The following ASAP3 variants were observed in gnomAD, a reference collection of about 807,000 sequenced individuals.
ASAP3 encodes ArfGAP with SH3 domain, ankyrin repeat and PH domain 3.
ASAP3 carries 85 observed loss-of-function variants against 118.2 expected under a neutral mutation model. That is an observed-to-expected ratio of 0.72 (90% CI 0.60 to 0.86). The LOEUF (loss-of-function observed/expected upper bound fraction) is 0.86. ASAP3 is among the 40% of genes least tolerant of loss of function. ASAP3 has a pLI of 0.00. For missense variants in ASAP3, 1,026 were observed against 1,175.0 expected (o/e 0.87, Z 1.85); for synonymous variants, 432 against 477.4 (o/e 0.90, Z 1.24).
Position 23,438,982 on chromosome 1 carries a change from T to C in ASAP3, c.1015-148A>G, listed in dbSNP as rs538360423. 1.7e-4 allele frequency: 186 copies of C among 1,064,922 alleles called. No individual in the cohort carries two copies. Among genetic ancestry groups the C allele is most frequent in the South Asian group, 6.7e-4 (46 of 68,522 alleles). The allele number at this position is 1,064,922 out of a possible 1,614,324, so 66.0% of individuals were successfully genotyped here. ...CCAGCAGCACCTCAAGGATGTGAAG[T>C]GTAGACTAAGACTAGATTGGGGCCT... On this transcript the variant is annotated intron_variant, in intron 11 of 24. Coordinates refer to ENST00000336689, the MANE Select transcript of ASAP3 (RefSeq NM_017707.4). This position sits in a 1 kb window ranked among gnomAD's most constrained non-coding sequence, Gnocchi z 4.9.
chr1:23,454,046 G>A (rs652715), intron 3 of ASAP3, among the ~76,000 whole-genome samples: 8,305 of 152,018 alleles, frequency 0.055, 721 homozygotes, highest in African/African-American at 0.18. Context: ...TTGAGACAGG[G>A]TCTTGCTTTG....
chr1:23,458,883 A>G (rs1392660352), intron 1 of ASAP3, among the ~76,000 whole-genome samples: 2 of 152,076 alleles, frequency 1.3e-5, no homozygotes, highest in Non-Finnish European at 2.9e-5. Flanking sequence ...AAAGATATGA[A>G]CAACTGGGCC....
chr1:23,435,986 A>G lies in ASAP3; in HGVS notation c.1614T>C (p.His538=). 6.2e-7 allele frequency: 1 copy of G among 1,614,202 alleles called. No homozygotes were observed. Among genetic ancestry groups the G allele is most frequent in the Non-Finnish European group, 8.5e-7 (1 of 1,180,042 alleles). The part of the protein sequence containing the change: ...RDYIMAKYVE[H]RFARRCTPEP... ...CAGGTGTGCACCGGCGTGCAAACCT[A>G]TGCTCCACATACTTGGCCATAATGT... The change falls in exon 17 of 25, where the codon CAT becomes CAC. Residue 538 remains histidine (H), a synonymous_variant. Transcript: ENST00000336689.
At chr1:23,440,461 A>G (rs1450846895) in intron 10 of ASAP3, among the ~76,000 whole-genome samples, 3 of 122,890 alleles carry the variant, frequency 2.4e-5, no homozygotes, top group African/African-American at 9.6e-5. Flanking sequence ...AGATCACGTC[A>G]CTGCACTCCA....
At chr1:23,448,885 C>G (rs920206140) in intron 5 of ASAP3, among the ~76,000 whole-genome samples, 1 of 152,176 alleles carries the variant, frequency 6.6e-6, no homozygotes, top group East Asian at 1.9e-4. Context: ...CCAAGTCACA[C>G]AGCTGTTAAG....
At chr1:23,477,641 G>T (rs1642175247) in intron 1 of ASAP3, among the ~76,000 whole-genome samples, 2 of 152,152 alleles carry the variant, frequency 1.3e-5, no homozygotes, top group African/African-American at 4.8e-5. Flanking sequence ...CTCAAAGAAG[G>T]CCTTGACGAG....
intron 24 of ASAP3, among the ~76,000 whole-genome samples, chr1:23,430,802 G>A (rs1186847897): frequency 6.6e-6 from 1 of 152,140 alleles, no homozygotes; most frequent in Non-Finnish European, 1.5e-5. Flanking sequence ...GCAGCCACCT[G>A]GGCACCAGGA....
At chr1:23,472,069 G>A (rs571064112) in intron 1 of ASAP3, among the ~76,000 whole-genome samples, 5 of 152,246 alleles carry the variant, frequency 3.3e-5, no homozygotes, top group South Asian at 2.1e-4. Flanking sequence ...GAAAGTTGTC[G>A]GGGGCCGGGG....
chr1:23,441,758 G>T, intron 7 of ASAP3, 28 bp from the exon 8 acceptor site: 1 of 1,612,560 alleles, frequency 6.2e-7, no homozygotes. Flanking sequence ...CCAAACAAGG[G>T]TCCAGATAAA....
Position 23,477,034 on chromosome 1 carries a change from G to A in ASAP3, c.129+6971C>T, listed in dbSNP as rs114111445. ...ATCTTAATAAAATAATATTTTGTCG[G>A]GGGACAGAGTCTTGCTCTGTCGCCC... On this transcript the variant is annotated intron_variant, in intron 1 of 24. Coordinates refer to ENST00000336689, the MANE Select transcript of ASAP3 (RefSeq NM_017707.4). Among the ~76,000 whole-genome samples, 1,177 of 151,388 alleles carry A rather than the reference G, an allele frequency of 7.8e-3. 15 individuals are homozygous for A. Among genetic ancestry groups the A allele is most frequent in the African/African-American group, 0.027 (1,115 of 41,318 alleles).
chr1:23,433,366 C>A (rs1640515935), intron 21 of ASAP3, 59 bp downstream of exon 21: 1 of 1,613,396 alleles, frequency 6.2e-7, no homozygotes, highest in Non-Finnish European at 8.5e-7. Flanking sequence ...ACACACCAGG[C>A]CCAATCTGGC....
intron 3 of ASAP3, among the ~76,000 whole-genome samples, chr1:23,453,815 G>A (rs1268396785): frequency 6.6e-6 from 1 of 152,104 alleles, no homozygotes; most frequent in Non-Finnish European, 1.5e-5. Flanking sequence ...GTGCCATGCT[G>A]CTGGTATTTC....
At chr1:23,448,537 C>T (rs1450878446) in intron 5 of ASAP3, among the ~76,000 whole-genome samples, 2 of 152,000 alleles carry the variant, frequency 1.3e-5, no homozygotes, top group Non-Finnish European at 2.9e-5. Context: ...AAGCAATCCT[C>T]CTGCCTCAGC....
chr1:23,449,569 C>T (rs1408980755), intron 5 of ASAP3, among the ~76,000 whole-genome samples: 5 of 152,110 alleles, frequency 3.3e-5, no homozygotes, highest in African/African-American at 1.2e-4. Context: ...TTACGGCTCA[C>T]GCATATCTGG....
intron 1 of ASAP3, among the ~76,000 whole-genome samples, chr1:23,468,583 C>G (rs555216506): frequency 6.6e-6 from 1 of 152,082 alleles, no homozygotes; most frequent in Non-Finnish European, 1.5e-5. Flanking sequence ...GCTAAAAATA[C>G]AACGTTTGGC....
chr1:23,430,665 T>C (rs1303504046), intron 24 of ASAP3, among the ~76,000 whole-genome samples: 4 of 152,320 alleles, frequency 2.6e-5, no homozygotes, highest in Middle Eastern at 6.8e-3. Context: ...CATCCTCCCC[T>C]GGGGAGAAGC....
intron 1 of ASAP3, among the ~76,000 whole-genome samples, chr1:23,463,903 C>T (rs561948748): frequency 6.6e-6 from 1 of 151,840 alleles, no homozygotes; most frequent in Non-Finnish European, 1.5e-5. Context: ...CTGCTTAACT[C>T]ACAGAATTAC....
intron 1 of ASAP3, among the ~76,000 whole-genome samples, chr1:23,479,474 C>T (rs1392072781): frequency 6.6e-6 from 1 of 152,140 alleles, no homozygotes; most frequent in Non-Finnish European, 1.5e-5. Flanking sequence ...AACAAATTTC[C>T]CTCCAACAGA....
Position 23,452,786 on chromosome 1 carries a change from G to A in ASAP3, c.349-15C>T. On this transcript the variant is annotated splice_polypyrimidine_tract_variant and intron_variant, in intron 3 of 24. Coordinates refer to ENST00000336689, the MANE Select transcript of ASAP3 (RefSeq NM_017707.4). ...AAGTTCTGAATCTGGAAAAAACAGA[G>A]ACGCTCATTCCCGCCTCAGGTGACC... 1 of 1,613,706 alleles carries A rather than the reference G, an allele frequency of 6.2e-7. No individual in the cohort carries two copies.
Sources: allele counts gnomAD v4.1 joint callset (sites outside exome capture counted in the v4.1 genomes callset), GRCh38; gene constraint gnomAD v4.1.1; non-coding constraint Gnocchi (gnomAD v3.1); transcripts MANE v1.5; gene names NCBI Gene and HGNC (gene_info 2026-07-23, HGNC 2026-07-21).